The following OCLN variants were observed in gnomAD, a reference collection of about 807,000 sequenced individuals.
OCLN encodes the protein phosphatase 1, regulatory subunit 115.
Under a neutral mutation model 47.9 loss-of-function variants are expected in OCLN, and 21 were observed. The observed-to-expected ratio is 0.44, with a 90% confidence interval of 0.31 to 0.63. OCLN has a LOEUF of 0.63. OCLN is among the 30% of genes least tolerant of loss of function. The pLI, the probability that OCLN is intolerant of heterozygous loss-of-function variation, is 0.08. For synonymous variants in OCLN, 117 were observed against 198.4 expected (o/e 0.59, Z 3.45); for missense variants, 360 against 571.0 (o/e 0.63, Z 3.77).
At chr5:69,495,721 C>T (rs555946592) in intron 1 of OCLN, among the ~76,000 whole-genome samples, 3 of 151,812 alleles carry the variant, frequency 2.0e-5, no homozygotes, top group African/African-American at 7.3e-5. Flanking sequence ...GAGATGATAC[C>T]TATATTTTAG....
intron 7 of OCLN, among the ~76,000 whole-genome samples, chr5:69,548,960 C>A (rs1769781456): frequency 1.4e-5 from 2 of 147,126 alleles, no homozygotes; most frequent in African/African-American, 5.0e-5. Flanking sequence ...GACTCCATCT[C>A]AAAAATTAAT....
At chr5:69,530,713 A>G (rs1769406451) in intron 4 of OCLN, 1 of 152,156 alleles carries the variant, frequency 6.6e-6, no homozygotes, top group East Asian at 1.9e-4. Flanking sequence ...TGCTGAAGGG[A>G]GCACTGCCTT....
At chr5:69,505,687 T>C (rs904569559) in intron 2 of OCLN, among the ~76,000 whole-genome samples, 5 of 152,196 alleles carry the variant, frequency 3.3e-5, no homozygotes, top group African/African-American at 4.8e-5. Flanking sequence ...AATTTTTGAA[T>C]TCCAAATTTG....
chr5:69,510,204 A>G (rs1768740825), intron 3 of OCLN, among the ~76,000 whole-genome samples: 1 of 151,870 alleles, frequency 6.6e-6, no homozygotes, highest in Non-Finnish European at 1.5e-5. Context: ...TATTTCATAT[A>G]AATGGAATCA....
chr5:69,513,295 T>C (rs976283256), intron 3 of OCLN, among the ~76,000 whole-genome samples: 3 of 152,196 alleles, frequency 2.0e-5, no homozygotes, highest in African/African-American at 7.2e-5. Flanking sequence ...AGTAGGAAGT[T>C]TCTTTGTTAC....
At chr5:69,492,704 C>T (rs1768169810), upstream of OCLN, 1 of 152,680 alleles carries the variant, frequency 6.5e-6, no homozygotes, top group African/African-American at 2.4e-5. Context: ...CACCCCCTTC[C>T]ACGTTGGTGC....
At chr5:69,508,586 C>T (rs1291245393) in intron 2 of OCLN, among the ~76,000 whole-genome samples, 1 of 152,178 alleles carries the variant, frequency 6.6e-6, no homozygotes, top group Admixed American at 6.5e-5. Flanking sequence ...AGTGATCCAC[C>T]CGCCTTGGCC....
At chr5:69,500,949 T>TAAA (rs1424708145) in intron 1 of OCLN, among the ~76,000 whole-genome samples, 2,605 of 152,138 alleles carry the variant, frequency 0.017, 32 homozygotes, top group Non-Finnish European at 0.028. Flanking sequence ...AAAGGAGTCT[T>TAAA]GCTCTGTCAC....
At chr5:69,497,098 CA>C (rs1768314215) in intron 1 of OCLN, among the ~76,000 whole-genome samples, 1 of 152,006 alleles carries the variant, frequency 6.6e-6, no homozygotes, top group African/African-American at 2.4e-5. Flanking sequence ...GTCTGGTCTC[CA>C]AAAAAATATC....
At chr5:69,517,295 A>AAT (rs202209882) in intron 4 of OCLN, among the ~76,000 whole-genome samples, 257 of 112,578 alleles carry the variant, frequency 2.3e-3, no homozygotes, top group East Asian at 7.1e-3. Context: ...TAAAGACATT[A>AAT]ATATATATAT....
intron 4 of OCLN, among the ~76,000 whole-genome samples, chr5:69,516,630 G>A (rs1437984081): frequency 6.6e-6 from 1 of 152,182 alleles, no homozygotes; most frequent in Non-Finnish European, 1.5e-5. Context: ...GGCAAAGACA[G>A]ATTAGAAAAA....
rs1580535779 is a variant in OCLN at position 69,493,202 on chromosome 5, C to T, written c.-69+302C>T. 6.6e-6 allele frequency among the ~76,000 whole-genome samples: 1 copy of T among 152,294 alleles called. No homozygotes were observed. The highest frequency in any genetic ancestry group is 3.4e-3 in the Middle Eastern group (1 of 294). On this transcript the variant is annotated intron_variant, in intron 1 of 8. Transcript: ENST00000396442. This position sits in a 1 kb window ranked among gnomAD's most constrained non-coding sequence, Gnocchi z 5.3. ...CCTCAGCGGCGCGGGCAACTTTTCA[C>T]TTTTATGGGGCACGACATTCCTGAA...
rs1003823649 is a variant in OCLN at position 69,520,446 on chromosome 5, G to A, written c.891+6337G>A. 3.3e-5 allele frequency among the ~76,000 whole-genome samples: 5 copies of A among 151,174 alleles called. No individual in the cohort carries two copies. In the South Asian group the frequency reaches 6.3e-4, roughly 19 times the overall value. Reference sequence around the variant, plus strand: ...CTCCCAAGTAGCTGGGATTACAGGCGCCTGCCACTGTGCCCGGCTAATTTT... The same window carrying A: ...CTCCCAAGTAGCTGGGATTACAGGCACCTGCCACTGTGCCCGGCTAATTTT... On this transcript the variant is annotated intron_variant, in intron 4 of 8. Coordinates refer to ENST00000396442, the MANE Select transcript of OCLN (RefSeq NM_001205254.2).
At chr5:69,515,230 G>A (rs1403881461) in intron 4 of OCLN, among the ~76,000 whole-genome samples, 9 of 146,722 alleles carry the variant, frequency 6.1e-5, no homozygotes, top group East Asian at 2.1e-4. Flanking sequence ...AGGGGCGGCC[G>A]GGCAGAGGCG....
intron 1 of OCLN, among the ~76,000 whole-genome samples, chr5:69,500,732 G>A (rs564567638): frequency 3.0e-4 from 45 of 152,154 alleles, no homozygotes; most frequent in African/African-American, 1.1e-3. Flanking sequence ...TTGGGGAGAC[G>A]TGACAACTCT....
At chr5:69,532,611 T>C (rs1398163678) in intron 4 of OCLN, among the ~76,000 whole-genome samples, 1 of 152,150 alleles carries the variant, frequency 6.6e-6, no homozygotes, top group Admixed American at 6.5e-5. Context: ...CAGAGTGATA[T>C]GTAATAATTT....
intron 4 of OCLN, among the ~76,000 whole-genome samples, chr5:69,528,890 C>A (rs1769354055): frequency 6.6e-6 from 1 of 152,030 alleles, no homozygotes; most frequent in Non-Finnish European, 1.5e-5. Flanking sequence ...TCTAGCCTGA[C>A]TCTCTCCCAT....
intron 7 of OCLN, among the ~76,000 whole-genome samples, chr5:69,548,315 GTTTT>G (rs1440727396): frequency 7.5e-6 from 1 of 134,114 alleles, no homozygotes. Flanking sequence ...GCACTATTCT[GTTTT>G]TTTTTTTTTT....
intron 3 of OCLN, among the ~76,000 whole-genome samples, chr5:69,512,030 A>AG (rs1768803065): frequency 1.6e-5 from 1 of 62,978 alleles, no homozygotes; most frequent in East Asian, 3.6e-4. Context: ...TCTCAAAAAA[A>AG]AAAAAAAAAA....
Sources: gnomAD v4.1 joint callset for allele counts (sites outside exome capture counted in the v4.1 genomes callset) on GRCh38, gnomAD v4.1.1 for gene constraint, Gnocchi (gnomAD v3.1) non-coding constraint, MANE v1.5 for transcripts, NCBI Gene and HGNC (gene_info 2026-07-23, HGNC 2026-07-21) for gene names.